The following UNC79 variants were observed in gnomAD, a reference collection of about 807,000 sequenced individuals.
The protein encoded by UNC79 is unc-79 subunit of NALCN channel complex.
Under a neutral mutation model 283.1 loss-of-function variants are expected in UNC79, and 37 were observed. That is an observed-to-expected ratio of 0.13 (90% CI 0.10 to 0.17). The LOEUF (loss-of-function observed/expected upper bound fraction) is 0.17, where lower values mean the gene tolerates loss of function less well. UNC79 is among the 10% of genes least tolerant of loss of function. UNC79 has a pLI of 1.00. For synonymous variants in UNC79, 1,107 were observed against 1,200.2 expected (o/e 0.92, Z 1.61); for missense variants, 2,272 against 3,211.1 (o/e 0.71, Z 7.07).
At position 93,430,895 on chromosome 14, in the gene UNC79, G is replaced by T; in HGVS notation, c.-135G>T. ...CGTTTTGTCCGAATGGTAGCGACAC[G>T]GGCCTAAGGGAGGGGGAAAGCGAGG... On this transcript the variant is annotated 5_prime_UTR_variant, in exon 1 of 49. Coordinates refer to ENST00000555664, the Ensembl canonical transcript of UNC79. The surrounding 1 kb of genome is among the most constrained non-coding windows in gnomAD (Gnocchi z 4.6). 1 of 470,258 alleles carries T rather than the reference G, an allele frequency of 2.1e-6. No individual in the cohort carries two copies. The allele number at this position is 470,258 out of a possible 1,614,324, so 29.1% of individuals were successfully genotyped here.
chr14:93,487,112 A>T (rs927184942), intron 4 of UNC79, among the ~76,000 whole-genome samples: 1 of 152,202 alleles, frequency 6.6e-6, no homozygotes, highest in Non-Finnish European at 1.5e-5. Context: ...CTGTTTAATG[A>T]TATGTGAAAA....
At chr14:93,556,352 AT>A (rs1041615103) in intron 14 of UNC79, among the ~76,000 whole-genome samples, 3 of 152,240 alleles carry the variant, frequency 2.0e-5, no homozygotes, top group African/African-American at 4.8e-5. Context: ...ATTTAAAAAA[AT>A]ATGCCTCTTA....
chr14:93,615,472 C>T (rs1264601067), intron 27 of UNC79, among the ~76,000 whole-genome samples: 1 of 151,518 alleles, frequency 6.6e-6, no homozygotes, highest in Non-Finnish European at 1.5e-5. Flanking sequence ...GCTTGTAATC[C>T]CAGCACTTTG....
At chr14:93,707,125 A>G (rs950789039), downstream of UNC79, 3 of 431,352 alleles carry the variant, frequency 7.0e-6, no homozygotes, top group African/African-American at 6.0e-5. Flanking sequence ...GTTTCCTTAC[A>G]TTATTTTTTA....
chr14:93,658,852 A>G (rs370953272), intron 38 of UNC79, among the ~76,000 whole-genome samples: 1 of 152,068 alleles, frequency 6.6e-6, no homozygotes. Context: ...CTGTCCATCT[A>G]TTCATCCATC....
intron 1 of UNC79, among the ~76,000 whole-genome samples, chr14:93,370,277 A>G (rs190735345): frequency 1.3e-5 from 2 of 152,352 alleles, no homozygotes; most frequent in East Asian, 3.9e-4. Context: ...AACGACTATG[A>G]TTAATTGCAA....
intron 1 of UNC79, among the ~76,000 whole-genome samples, chr14:93,381,710 T>G (rs2054668609): frequency 6.6e-6 from 1 of 152,168 alleles, no homozygotes; most frequent in African/African-American, 2.4e-5. Flanking sequence ...AGGAGAACAT[T>G]CCAGAAGAGA....
In UNC79 at chr14:93,607,109, G is replaced by T. The variant is rs534401857; in HGVS notation, c.3754+3691G>T. ...GCTACTACAATTTGTATGATTAGACGTAAGGAGTACTTTCACTGGTGCTGT... is the reference window on the plus strand; with the variant it reads ...GCTACTACAATTTGTATGATTAGACTTAAGGAGTACTTTCACTGGTGCTGT... On this transcript the variant is annotated intron_variant, in intron 26 of 48. Coordinates refer to ENST00000555664, the Ensembl canonical transcript of UNC79. Among the ~76,000 whole-genome samples the T allele has an allele frequency of 9.0e-4, 137 of 152,256 alleles. 1 individual carries two copies. The highest frequency in any genetic ancestry group is 3.1e-3 in the African/African-American group (129 of 41,522).
chr14:93,648,382 G>A (rs1304857118), intron 35 of UNC79, among the ~76,000 whole-genome samples: 5 of 152,206 alleles, frequency 3.3e-5, no homozygotes, highest in African/African-American at 1.2e-4. Flanking sequence ...GAACCAGTTT[G>A]GAGACCATGT....
intron 14 of UNC79, among the ~76,000 whole-genome samples, chr14:93,564,344 G>A (rs1304576822): frequency 6.6e-6 from 1 of 152,214 alleles, no homozygotes; most frequent in African/African-American, 2.4e-5. Flanking sequence ...GCCTAGGAAG[G>A]AAAGGAGTTG....
At chr14:93,586,168 A>G (rs2064212245) in intron 20 of UNC79, among the ~76,000 whole-genome samples, 1 of 152,180 alleles carries the variant, frequency 6.6e-6, no homozygotes, top group South Asian at 2.1e-4. Flanking sequence ...GGCATGAGCC[A>G]CCGCGCCCAT....
intron 1 of UNC79, among the ~76,000 whole-genome samples, chr14:93,405,283 CAA>C (rs11289076): frequency 7.5e-5 from 9 of 120,618 alleles, no homozygotes; most frequent in Non-Finnish European, 9.0e-5. Context: ...AACTCCATCT[CAA>C]AAAAAAAAAA....
chr14:93,628,833 C>T (rs1416107602), intron 30 of UNC79, among the ~76,000 whole-genome samples: 2 of 152,180 alleles, frequency 1.3e-5, no homozygotes, highest in African/African-American at 4.8e-5. Flanking sequence ...AATCTTAGTA[C>T]ACTAATGCTT....
At chr14:93,449,694 G>A (rs1193580208) in intron 1 of UNC79, among the ~76,000 whole-genome samples, 1 of 151,944 alleles carries the variant, frequency 6.6e-6, no homozygotes, top group Non-Finnish European at 1.5e-5. Context: ...TATGCATATT[G>A]TGTTTTTCTC....
intron 40 of UNC79, among the ~76,000 whole-genome samples, chr14:93,670,817 G>T (rs555685315): frequency 2.0e-4 from 30 of 152,308 alleles, no homozygotes; most frequent in Non-Finnish European, 3.7e-4. Context: ...TACCTAGGCT[G>T]CCAGCCATCA....
At chr14:93,612,938 T>G in exon 27 of UNC79, 7 of 1,614,062 alleles carry the variant, frequency 4.3e-6, no homozygotes, top group Non-Finnish European at 5.9e-6. Flanking sequence ...GAGTCAGACA[T>G]CAGCAGTGCA....
chr14:93,568,674 AAAAAT>A (rs1159091420), intron 14 of UNC79, among the ~76,000 whole-genome samples: 1 of 150,782 alleles, frequency 6.6e-6, no homozygotes, highest in African/African-American at 2.4e-5. Flanking sequence ...TCCGTCTCAA[AAAAAT>A]AAAATAAATA....
At chr14:93,649,034 G>A (rs2069946503) in intron 35 of UNC79, among the ~76,000 whole-genome samples, 1 of 152,142 alleles carries the variant, frequency 6.6e-6, no homozygotes, top group South Asian at 2.1e-4. Flanking sequence ...GAAGAGGGCA[G>A]GGACGGATGC....
At chr14:93,565,724 C>A (rs2062838359) in intron 14 of UNC79, among the ~76,000 whole-genome samples, 1 of 152,120 alleles carries the variant, frequency 6.6e-6, no homozygotes, top group Non-Finnish European at 1.5e-5. Flanking sequence ...ACAGGGAAGT[C>A]CACAGGCTTC....
Sources: gnomAD v4.1 joint callset for allele counts (sites outside exome capture counted in the v4.1 genomes callset) on GRCh38, gnomAD v4.1.1 for gene constraint, Gnocchi (gnomAD v3.1) non-coding constraint, MANE v1.5 for transcripts, NCBI Gene and HGNC (gene_info 2026-07-23, HGNC 2026-07-21) for gene names.